Variants in DYM observed in about 807,000 individuals in gnomAD.
The protein encoded by DYM is dymeclin.
DYM carries 78 observed loss-of-function variants against 93.1 expected under a neutral mutation model. That is an observed-to-expected ratio of 0.84 (90% confidence interval 0.70 to 1.01). The LOEUF is 1.01. DYM is among the 50% of genes least tolerant of loss of function. DYM has a pLI of 0.00. For missense variants in DYM, 789 were observed against 845.0 expected (o/e 0.93, Z 0.82); for synonymous variants, 321 against 319.7 (o/e 1.00, Z -0.04).
intron 13 of DYM, among the ~76,000 whole-genome samples, chr18:49,254,958 G>A (rs189546256): frequency 3.3e-5 from 5 of 152,292 alleles, no homozygotes; most frequent in Admixed American, 2.6e-4. Context: ...AGACTGCTAT[G>A]TTTATTTTAA....
At chr18:49,111,927 C>T (rs947075014) in intron 16 of DYM, among the ~76,000 whole-genome samples, 8 of 152,164 alleles carry the variant, frequency 5.3e-5, no homozygotes, top group Non-Finnish European at 1.2e-4. Context: ...CCAGACTTTG[C>T]CCTGTATCTG....
rs1011601105 is a variant in DYM, at chr18:49,347,321, A to T, written c.495-13468T>A. Among the ~76,000 whole-genome samples, 10 of 152,202 alleles carry T rather than the reference A, an allele frequency of 6.6e-5. 1 individual carries two copies. The highest frequency in any genetic ancestry group is 6.5e-4 in the Admixed American group (10 of 15,276). On this transcript the variant is annotated intron_variant, in intron 6 of 17. Coordinates refer to ENST00000675505, the MANE Select transcript of DYM (RefSeq NM_001353214.3). The stretch of plus-strand genomic sequence containing the variant: ...GTTCATGCATACTTTTATGTGTTGG[A>T]TTTTTGAATAATATAAATGCATCAT...
intron 14 of DYM, among the ~76,000 whole-genome samples, chr18:49,188,887 A>G (rs1358209585): frequency 6.6e-6 from 1 of 152,248 alleles, no homozygotes. Context: ...TTGCATGTTT[A>G]TCACAGCACT....
chr18:49,273,253 C>G (rs554148460), intron 10 of DYM, among the ~76,000 whole-genome samples: 1 of 152,172 alleles, frequency 6.6e-6, no homozygotes, highest in Non-Finnish European at 1.5e-5. Flanking sequence ...AAGTTCAGTG[C>G]ATGAGCACTA....
intron 3 of DYM, among the ~76,000 whole-genome samples, chr18:49,381,593 T>A (rs1301698883): frequency 6.6e-6 from 1 of 152,218 alleles, no homozygotes; most frequent in Non-Finnish European, 1.5e-5. Flanking sequence ...TAATGTGCAT[T>A]TAAATCACAA....
chr18:49,441,292 A>AATATAATTATATATAATTAAT (rs2081563285), intron 1 of DYM, among the ~76,000 whole-genome samples: 1 of 36,366 alleles, frequency 2.7e-5, no homozygotes, highest in Non-Finnish European at 4.5e-5. Flanking sequence ...AATTATATAT[A>AATATAATTATATATAATTAAT]ATATAATTAT....
intron 1 of DYM, among the ~76,000 whole-genome samples, chr18:49,432,599 ATTTT>A (rs35279467): frequency 7.7e-6 from 1 of 129,584 alleles, no homozygotes; most frequent in South Asian, 2.4e-4. Context: ...CAGCATTAAA[ATTTT>A]TTTTTTTTTT....
chr18:49,199,272 A>T (rs895808819), intron 14 of DYM, among the ~76,000 whole-genome samples: 13 of 152,242 alleles, frequency 8.5e-5, no homozygotes, highest in African/African-American at 3.1e-4. Flanking sequence ...AGATATACCT[A>T]ATGTAAATGA....
At chr18:49,352,567 A>G (rs1171525340) in intron 6 of DYM, among the ~76,000 whole-genome samples, 1 of 151,684 alleles carries the variant, frequency 6.6e-6, no homozygotes, top group African/African-American at 2.4e-5. Flanking sequence ...AGGGAACTTG[A>G]GAGGGATGTA....
rs79583140 is a variant in DYM at position 49,191,509 on chromosome 18, A to G, written c.1625+18042T>C. On this transcript the variant is annotated intron_variant, in intron 14 of 17. Coordinates refer to ENST00000675505, the MANE Select transcript of DYM (RefSeq NM_001353214.3). ...GGATACAACACCATGAAATTTTTAT[A>G]AGGATTAGTAGCTTTGGAAAACAAG... Among the ~76,000 whole-genome samples the G allele has an allele frequency of 3.1e-3, 476 of 152,302 alleles. 4 individuals are homozygous for G. The highest frequency in any genetic ancestry group is 0.011 in the African/African-American group (465 of 41,574).
In DYM at chr18:49,430,410, G is replaced by A. The variant is rs1568432332; in HGVS notation, c.-16C>T. On this transcript the variant is annotated 5_prime_UTR_variant, in exon 2 of 18. Coordinates refer to ENST00000675505, the MANE Select transcript of DYM (RefSeq NM_001353214.3). ...TCGATCCCATCTTCTAGCTTAAGCA[G>A]ATAATTTGTCCTTAAACCTGCATTT... 1.2e-6 allele frequency: 2 copies of A among 1,612,598 alleles called. No individual in the cohort carries two copies. Among genetic ancestry groups the A allele is most frequent in the Non-Finnish European group, 1.7e-6 (2 of 1,179,968 alleles).
At chr18:49,127,553 C>T (rs532913418) in intron 15 of DYM, among the ~76,000 whole-genome samples, 12 of 152,210 alleles carry the variant, frequency 7.9e-5, no homozygotes, top group African/African-American at 2.4e-4. Flanking sequence ...GCATTTTCAG[C>T]AGAAAATAAA....
chr18:49,250,523 A>G (rs2094262702), intron 13 of DYM, among the ~76,000 whole-genome samples: 1 of 152,210 alleles, frequency 6.6e-6, no homozygotes, highest in South Asian at 2.1e-4. Flanking sequence ...GGCTGCTACG[A>G]AGAGATGAAG....
intron 8 of DYM, among the ~76,000 whole-genome samples, chr18:49,327,420 G>T (rs1003770591): frequency 1.3e-5 from 2 of 151,970 alleles, no homozygotes; most frequent in Non-Finnish European, 2.9e-5. Flanking sequence ...GCGGTGGCGT[G>T]ATCACAGCAC....
At chr18:49,145,134 T>TATATATATATGTATATATATATAA (rs1555778609) in intron 15 of DYM, among the ~76,000 whole-genome samples, 1 of 79,574 alleles carries the variant, frequency 1.3e-5, no homozygotes, top group Non-Finnish European at 2.5e-5. Context: ...TATATATATA[T>TATATATATATGTATATATATATAA]AATTTATATA....
intron 15 of DYM, among the ~76,000 whole-genome samples, chr18:49,121,688 A>T (rs904207733): frequency 6.6e-6 from 1 of 152,156 alleles, no homozygotes; most frequent in African/African-American, 2.4e-5. Flanking sequence ...AAACAAAAAA[A>T]CCCACACACA....
intron 5 of DYM, among the ~76,000 whole-genome samples, chr18:49,368,263 T>C (rs2066691823): frequency 1.3e-5 from 2 of 152,290 alleles, no homozygotes; most frequent in Admixed American, 6.5e-5. Context: ...AAAAGTTTAA[T>C]TGATTTTGTT....
intron 17 of DYM, among the ~76,000 whole-genome samples, chr18:49,062,009 T>A (rs1306710050): frequency 1.3e-5 from 2 of 152,124 alleles, no homozygotes; most frequent in Non-Finnish European, 2.9e-5. Flanking sequence ...TGGGAAAGGG[T>A]CTCTGTGCAG....
chr18:49,333,871 C>G lies in DYM; in HGVS notation c.495-18G>C, dbSNP rs771715236. ...TAATATCTCTAAAATGGAAGAAAAA[C>G]AGAGTAACAGTCACTTTGGAAGATT... is the stretch of plus-strand genomic sequence containing the variant. On this transcript the variant is annotated intron_variant, in intron 6 of 17. Transcript: ENST00000675505. The G allele has an allele frequency of 1.1e-5, 17 of 1,599,016 alleles. No homozygotes were observed. Among genetic ancestry groups the G allele is most frequent in the Middle Eastern group, 1.7e-4 (1 of 5,760 alleles).
Sources: gnomAD v4.1 joint callset for allele counts (sites outside exome capture counted in the v4.1 genomes callset) on GRCh38, gnomAD v4.1.1 for gene constraint, MANE v1.5 for transcripts, NCBI Gene and HGNC (gene_info 2026-07-23, HGNC 2026-07-21) for gene names.